Variants in IPO11 observed in about 807,000 individuals in gnomAD.
The protein encoded by IPO11 is importin 11.
A neutral mutation model predicts 143.2 loss-of-function variants in IPO11; 66 were observed. The observed-to-expected ratio is 0.46, with a 90% CI of 0.38 to 0.57. The LOEUF (loss-of-function observed/expected upper bound fraction) is 0.57, where lower values mean the gene tolerates loss of function less well. IPO11 is among the 20% of genes least tolerant of loss of function. The pLI is 0.00. For synonymous variants in IPO11, 385 were observed against 377.8 expected (o/e 1.02, Z -0.22); for missense variants, 1,026 against 1,141.0 (o/e 0.90, Z 1.45).
At chr5:62,432,119 A>G (rs1227061969) in intron 1 of IPO11, among the ~76,000 whole-genome samples, 2 of 152,174 alleles carry the variant, frequency 1.3e-5, no homozygotes, top group African/African-American at 2.4e-5. Flanking sequence ...CTAACACTTA[A>G]GTAAAAGCTG....
At chr5:62,535,651 A>G (rs1254445119) in intron 22 of IPO11, among the ~76,000 whole-genome samples, 1 of 152,122 alleles carries the variant, frequency 6.6e-6, no homozygotes, top group East Asian at 1.9e-4. Context: ...TTAGGAACTA[A>G]TGCCTTCAGA....
intron 1 of IPO11, among the ~76,000 whole-genome samples, chr5:62,416,866 A>T (rs1314272058): frequency 6.6e-6 from 1 of 151,952 alleles, no homozygotes; most frequent in African/African-American, 2.4e-5. Context: ...CTGGGACCAC[A>T]GGTGAGGCGC....
intron 1 of IPO11, among the ~76,000 whole-genome samples, chr5:62,427,951 A>G (rs1176175108): frequency 6.6e-6 from 1 of 152,238 alleles, no homozygotes; most frequent in East Asian, 1.9e-4. Flanking sequence ...GCAGGGACAG[A>G]TATGCTAAAC....
At chr5:62,564,883 G>A (rs1335941743) in intron 27 of IPO11, among the ~76,000 whole-genome samples, 3 of 152,152 alleles carry the variant, frequency 2.0e-5, no homozygotes, top group East Asian at 1.9e-4. Flanking sequence ...AAATCCCAGG[G>A]CCATCAGTCA....
chr5:62,580,393 A>G lies in IPO11; in HGVS notation c.2583-11184A>G, dbSNP rs1561371808. The G allele has an allele frequency of 6.4e-7, 1 of 1,550,480 alleles. No homozygotes were observed. The highest frequency in any genetic ancestry group is 8.7e-7 in the Non-Finnish European group (1 of 1,145,910). On this transcript the variant is annotated intron_variant, in intron 27 of 29. Coordinates refer to ENST00000325324, the MANE Select transcript of IPO11 (RefSeq NM_016338.5). ...CAGAATAATTAGCATTGATAATGAT[A>G]CATTTGAAAATATGGGAGCATCTTT... is the stretch of plus-strand genomic sequence containing the variant.
intron 21 of IPO11, chr5:62,526,833 C>T (rs1242159429): frequency 6.6e-6 from 1 of 152,208 alleles, no homozygotes; most frequent in African/African-American, 2.4e-5. Flanking sequence ...CTGTTGGCAA[C>T]AGTTTTCTCC....
At chr5:62,533,138 T>G (rs1224488829) in intron 22 of IPO11, among the ~76,000 whole-genome samples, 1 of 152,196 alleles carries the variant, frequency 6.6e-6, no homozygotes, top group African/African-American at 2.4e-5. Context: ...TTTGTACATC[T>G]TGACCTCAGT....
intron 27 of IPO11, among the ~76,000 whole-genome samples, chr5:62,577,424 G>A (rs1167749118): frequency 6.6e-6 from 1 of 151,964 alleles, no homozygotes; most frequent in Non-Finnish European, 1.5e-5. Flanking sequence ...ATTACTTTGT[G>A]GGTTTTTTCT....
At chr5:62,599,477 C>A (rs114390029) in intron 28 of IPO11, among the ~76,000 whole-genome samples, 2 of 152,162 alleles carry the variant, frequency 1.3e-5, no homozygotes, top group Admixed American at 1.3e-4. Context: ...CTTTTCTCAT[C>A]TGTAAAATGG....
At chr5:62,567,514 C>T (rs1414144389) in intron 27 of IPO11, among the ~76,000 whole-genome samples, 2 of 140,730 alleles carry the variant, frequency 1.4e-5, no homozygotes, top group Non-Finnish European at 3.1e-5. Flanking sequence ...ACTATTTCTA[C>T]CCTTTTTTCT....
intron 27 of IPO11, among the ~76,000 whole-genome samples, chr5:62,585,100 T>C (rs1259859392): frequency 6.6e-6 from 1 of 152,236 alleles, no homozygotes; most frequent in Non-Finnish European, 1.5e-5. Flanking sequence ...TACATGCACA[T>C]AAACCCTAGC....
At chr5:62,502,736 C>T (rs921887390) in intron 16 of IPO11, among the ~76,000 whole-genome samples, 2 of 152,118 alleles carry the variant, frequency 1.3e-5, no homozygotes, top group South Asian at 2.1e-4. Context: ...ATGGTCCTTT[C>T]GTGGAGGAAA....
chr5:62,487,507 T>C (rs1258097233), intron 12 of IPO11, among the ~76,000 whole-genome samples: 1 of 152,194 alleles, frequency 6.6e-6, no homozygotes, highest in Non-Finnish European at 1.5e-5. Context: ...TACACTTTGC[T>C]TGCCATAGTT....
intron 3 of IPO11, among the ~76,000 whole-genome samples, chr5:62,447,247 A>G (rs1561314676): frequency 1.3e-5 from 2 of 151,944 alleles, no homozygotes; most frequent in African/African-American, 4.8e-5. Context: ...CTGTGACTAC[A>G]TGTGTGTGCC....
chr5:62,529,646 G>C (rs1439299440), intron 21 of IPO11, among the ~76,000 whole-genome samples: 1 of 152,164 alleles, frequency 6.6e-6, no homozygotes, highest in African/African-American at 2.4e-5. Context: ...GAACAATTAA[G>C]AAAAGGAACT....
chr5:62,544,321 T>A (rs1743074916), intron 24 of IPO11, among the ~76,000 whole-genome samples: 1 of 151,922 alleles, frequency 6.6e-6, no homozygotes, highest in Admixed American at 6.6e-5. Flanking sequence ...ATAAATGTAA[T>A]CCAGCATATA....
intron 19 of IPO11, among the ~76,000 whole-genome samples, chr5:62,508,234 T>A (rs574960246): frequency 6.6e-6 from 1 of 151,968 alleles, no homozygotes; most frequent in Admixed American, 6.6e-5. Flanking sequence ...TGGGTTCAAG[T>A]GATTCTTGTC....
At chr5:62,504,723 A>C in intron 17 of IPO11, 23 bp downstream of exon 17, 1 of 1,466,466 alleles carries the variant, frequency 6.8e-7, no homozygotes, top group South Asian at 1.3e-5. Flanking sequence ...AAATTTAAAA[A>C]TACTTCATTG....
At chr5:62,534,062 C>T (rs570072954) in intron 22 of IPO11, among the ~76,000 whole-genome samples, 58 of 151,842 alleles carry the variant, frequency 3.8e-4, no homozygotes, top group African/African-American at 1.2e-3. Flanking sequence ...TTTTAGGATG[C>T]GTTAATTAAG....
Sources: gnomAD v4.1 joint callset for allele counts (sites outside exome capture counted in the v4.1 genomes callset) on GRCh38, gnomAD v4.1.1 for gene constraint, MANE v1.5 for transcripts, NCBI Gene and HGNC (gene_info 2026-07-23, HGNC 2026-07-21) for gene names.